Variants in GALNT13 observed in about 807,000 individuals in gnomAD.
GALNT13 encodes UDP-GalNAc:polypeptide N-acetylgalactosaminyltransferase 13.
In GALNT13, 28 loss-of-function variants were observed where a neutral mutation model predicts 64.2. The observed-to-expected ratio is 0.44, with a 90% CI of 0.32 to 0.60. GALNT13 has a LOEUF of 0.60. Ranked by LOEUF, GALNT13 falls within the 20% of genes least tolerant of loss-of-function variation. The probability of loss-of-function intolerance (pLI) is 0.05; values close to 1 mark genes in which losing one functional copy is unlikely to be tolerated. For missense variants in GALNT13, 577 were observed against 669.8 expected, an observed-to-expected ratio of 0.86 and a Z score of 1.53; for synonymous variants, 214 against 224.6, an observed-to-expected ratio of 0.95 and a Z score of 0.42.
intron 3 of GALNT13, among the ~76,000 whole-genome samples, chr2:153,953,897 C>G (rs938142346): frequency 6.6e-6 from 1 of 152,096 alleles, no homozygotes; most frequent in African/African-American, 2.4e-5. Flanking sequence ...GACTTCAGTT[C>G]AAAACATTTA....
chr2:153,617,009 C>T, the GALNT13 span, among the ~76,000 whole-genome samples: 1 of 151,930 alleles, frequency 6.6e-6, no homozygotes, highest in Non-Finnish European at 1.5e-5. Context: ...CCAAAGACTT[C>T]AACAGCCACT....
the GALNT13 span, among the ~76,000 whole-genome samples, chr2:153,139,940 G>C: frequency 3.3e-5 from 5 of 152,078 alleles, no homozygotes; most frequent in African/African-American, 7.2e-5. Flanking sequence ...ATAAATAGGA[G>C]TGACCAGATC....
intron 4 of GALNT13, among the ~76,000 whole-genome samples, chr2:154,183,622 G>C (rs1686087270): frequency 6.6e-6 from 1 of 152,026 alleles, no homozygotes. Context: ...TGAGGCAGGA[G>C]AATCACTTGA....
the GALNT13 span, among the ~76,000 whole-genome samples, chr2:153,103,717 C>G: frequency 2.0e-5 from 3 of 152,184 alleles, no homozygotes; most frequent in East Asian, 5.8e-4. Context: ...TTGTCTGTCT[C>G]TCTACACTAA....
chr2:153,246,952 T>C, the GALNT13 span, among the ~76,000 whole-genome samples: 1 of 152,040 alleles, frequency 6.6e-6, no homozygotes, highest in Non-Finnish European at 1.5e-5. Flanking sequence ...GATGGATGAA[T>C]ATTTACCAAG....
intron 9 of GALNT13, among the ~76,000 whole-genome samples, chr2:154,393,358 C>T (rs1206292420): frequency 1.3e-5 from 2 of 152,152 alleles, no homozygotes; most frequent in African/African-American, 4.8e-5. Flanking sequence ...ACTTGCTTTC[C>T]TATCTTTAAA....
At chr2:154,046,067 G>A (rs184567734) in intron 3 of GALNT13, among the ~76,000 whole-genome samples, 317 of 152,034 alleles carry the variant, frequency 2.1e-3, no homozygotes, top group Non-Finnish European at 2.9e-3. Flanking sequence ...CAGTGTTTTG[G>A]GAGGATGAGG....
At chr2:153,736,669 A>G in the GALNT13 span, among the ~76,000 whole-genome samples, 2 of 152,098 alleles carry the variant, frequency 1.3e-5, no homozygotes, top group South Asian at 2.1e-4. Flanking sequence ...TCTATCATCT[A>G]TTGTTAAAAC....
At chr2:154,274,211 A>G (rs1391069050) in intron 8 of GALNT13, among the ~76,000 whole-genome samples, 1 of 152,176 alleles carries the variant, frequency 6.6e-6, no homozygotes, top group Non-Finnish European at 1.5e-5. Context: ...ATAGCACCTG[A>G]TAATGTACGA....
At chr2:153,455,148 A>G in the GALNT13 span, among the ~76,000 whole-genome samples, 3 of 152,122 alleles carry the variant, frequency 2.0e-5, no homozygotes, top group Non-Finnish European at 2.9e-5. Context: ...TGATGCTTGC[A>G]TTTTTTTCTC....
intron 10 of GALNT13, among the ~76,000 whole-genome samples, chr2:154,397,655 T>TA (rs1485141088): frequency 6.6e-6 from 1 of 152,070 alleles, no homozygotes; most frequent in East Asian, 1.9e-4. Flanking sequence ...AAGAAAAAAA[T>TA]ACTTGAGGTG....
chr2:153,908,800 A>G (rs1688749946), intron 2 of GALNT13, among the ~76,000 whole-genome samples: 1 of 151,894 alleles, frequency 6.6e-6, no homozygotes, highest in South Asian at 2.1e-4. Flanking sequence ...GTAGCTCTGT[A>G]GTATAGTTTG....
the GALNT13 span, among the ~76,000 whole-genome samples, chr2:153,692,577 C>A: frequency 6.6e-6 from 1 of 152,144 alleles, no homozygotes; most frequent in Admixed American, 6.6e-5. Context: ...AACTCAGGCT[C>A]TAGTTCCTGT....
At chr2:153,117,505 T>C in the GALNT13 span, among the ~76,000 whole-genome samples, 1 of 152,202 alleles carries the variant, frequency 6.6e-6, no homozygotes, top group Admixed American at 6.5e-5. Flanking sequence ...GTTATTTCCA[T>C]ATAAAACTTA....
the GALNT13 span, among the ~76,000 whole-genome samples, chr2:153,320,534 C>T: frequency 1.3e-5 from 2 of 152,136 alleles, no homozygotes; most frequent in Non-Finnish European, 2.9e-5. Flanking sequence ...TGCTAAGAAA[C>T]ATTACTTCTT....
chr2:153,470,928 T>C, the GALNT13 span, among the ~76,000 whole-genome samples: 1 of 152,204 alleles, frequency 6.6e-6, no homozygotes, highest in African/African-American at 2.4e-5. Flanking sequence ...GCTGAATTTG[T>C]AGAAAATTAT....
chr2:153,576,648 A>G, the GALNT13 span, among the ~76,000 whole-genome samples: 96 of 152,230 alleles, frequency 6.3e-4, no homozygotes, highest in Non-Finnish European at 4.3e-4. Context: ...TGGCACCTGC[A>G]ATTCAATACT....
At chr2:154,168,671 ATT>A (rs1491109123) in intron 4 of GALNT13, among the ~76,000 whole-genome samples, 7,263 of 75,616 alleles carry the variant, frequency 0.096, 340 homozygotes, top group South Asian at 0.22. Flanking sequence ...CATCTCTACT[ATT>A]AAAAAAAAAA....
chr2:153,611,679 C>CTTTTTTTTTT, the GALNT13 span, among the ~76,000 whole-genome samples: 2 of 104,400 alleles, frequency 1.9e-5, no homozygotes, highest in Admixed American at 1.0e-4. Flanking sequence ...ACATTTTTAC[C>CTTTTTTTTTT]TTTTTTTTTT....
Sources: gnomAD v4.1 joint callset for allele counts (sites outside exome capture counted in the v4.1 genomes callset) on GRCh38, gnomAD v4.1.1 for gene constraint, MANE v1.5 for transcripts, NCBI Gene and HGNC (gene_info 2026-07-23, HGNC 2026-07-21) for gene names.